Variants in COL5A2 observed in about 807,000 individuals in gnomAD.
COL5A2 encodes collagen alpha-2(V) chain.
In COL5A2, 23 loss-of-function variants were observed where a neutral mutation model predicts 208.2. The observed-to-expected ratio is 0.11, with a 90% confidence interval of 0.08 to 0.16. The LOEUF (loss-of-function observed/expected upper bound fraction) is 0.16, where lower values mean the gene tolerates loss of function less well. Among genes scored for constraint, COL5A2 ranks in the 10% least tolerant of loss-of-function variants. COL5A2 has a pLI of 1.00. For missense variants in COL5A2, 1,590 were observed against 1,956.4 expected (o/e 0.81, Z 3.53); for synonymous variants, 625 against 628.5 (o/e 0.99, Z 0.08).
At chr2:189,243,056 A>C in the COL5A2 span, among the ~76,000 whole-genome samples, 1 of 152,210 alleles carries the variant, frequency 6.6e-6, no homozygotes, top group Non-Finnish European at 1.5e-5. Context: ...TGAATGGACC[A>C]AGAAAATATC....
chr2:189,218,462 G>A (rs189745230), intron 1 of COL5A2, among the ~76,000 whole-genome samples: 19 of 152,214 alleles, frequency 1.2e-4, no homozygotes, highest in Admixed American at 6.5e-4. Flanking sequence ...GGCAAAGAAC[G>A]ATTTTCCCCC....
At chr2:189,207,755 CT>C (rs1299155187) in intron 1 of COL5A2, among the ~76,000 whole-genome samples, 3 of 152,242 alleles carry the variant, frequency 2.0e-5, no homozygotes, top group Non-Finnish European at 2.9e-5. Context: ...AAGGATCCCC[CT>C]ATGATCATTA....
chr2:189,059,160 AAGAT>A (rs1168476393), intron 31 of COL5A2, among the ~76,000 whole-genome samples: 4 of 152,312 alleles, frequency 2.6e-5, no homozygotes, highest in African/African-American at 9.6e-5. Flanking sequence ...CTATTTCACA[AAGAT>A]AGAGCATTAG....
chr2:189,096,621 CAA>C (rs777945216), intron 6 of COL5A2, among the ~76,000 whole-genome samples: 4 of 71,100 alleles, frequency 5.6e-5, no homozygotes, highest in African/African-American at 1.1e-4. Context: ...GACTCCGTCT[CAA>C]AAAAAAAAAA....
At chr2:189,376,914 A>C in the COL5A2 span, among the ~76,000 whole-genome samples, 1 of 152,200 alleles carries the variant, frequency 6.6e-6, no homozygotes, top group African/African-American at 2.4e-5. Flanking sequence ...AAAAATGCTG[A>C]ATTTTTAAAA....
At chr2:189,337,651 A>C in the COL5A2 span, among the ~76,000 whole-genome samples, 1 of 152,180 alleles carries the variant, frequency 6.6e-6, no homozygotes, top group African/African-American at 2.4e-5. Context: ...AGAGAATAGA[A>C]GAACAGAAGG....
At chr2:189,119,760 C>G (rs1163787256) in intron 1 of COL5A2, among the ~76,000 whole-genome samples, 1 of 152,002 alleles carries the variant, frequency 6.6e-6, no homozygotes, top group South Asian at 2.1e-4. Flanking sequence ...CTTGCTAATA[C>G]AGTCATTAGC....
chr2:189,172,323 A>G (rs1389926106), intron 1 of COL5A2, among the ~76,000 whole-genome samples: 4 of 152,234 alleles, frequency 2.6e-5, no homozygotes, highest in Non-Finnish European at 5.9e-5. Context: ...ATAAAACACA[A>G]AAGAACAAGT....
chr2:189,244,883 C>T, the COL5A2 span, among the ~76,000 whole-genome samples: 3 of 152,180 alleles, frequency 2.0e-5, no homozygotes, highest in Non-Finnish European at 4.4e-5. Context: ...GTTTAATGGA[C>T]TTACAGTTCC....
chr2:189,100,358 G>A (rs1394507448), intron 3 of COL5A2, among the ~76,000 whole-genome samples: 1 of 151,992 alleles, frequency 6.6e-6, no homozygotes, highest in East Asian at 1.9e-4. Context: ...AAAATCCAGC[G>A]TGTGAAATAT....
At chr2:189,181,578 C>T (rs1399154235), upstream of COL5A2, among the ~76,000 whole-genome samples, 1 of 152,176 alleles carries the variant, frequency 6.6e-6, no homozygotes, top group Admixed American at 6.5e-5. Context: ...ACCAATACCA[C>T]CCTGATACCG....
intron 1 of COL5A2, among the ~76,000 whole-genome samples, chr2:189,173,605 T>A (rs1350078466): frequency 6.6e-6 from 1 of 152,120 alleles, no homozygotes; most frequent in Non-Finnish European, 1.5e-5. Flanking sequence ...GAGATAAATT[T>A]AAGAAAACTA....
chr2:189,410,608 A>G, the COL5A2 span, among the ~76,000 whole-genome samples: 5 of 152,126 alleles, frequency 3.3e-5, no homozygotes, highest in Admixed American at 6.5e-5. Flanking sequence ...ACACTAATAG[A>G]GCATTATAAT....
the COL5A2 span, among the ~76,000 whole-genome samples, chr2:189,272,830 A>G: frequency 6.6e-6 from 1 of 152,144 alleles, no homozygotes; most frequent in Admixed American, 6.6e-5. Flanking sequence ...ATTCTCCACC[A>G]GTTTGTGGAC....
chr2:189,406,037 G>A, the COL5A2 span, among the ~76,000 whole-genome samples: 2 of 152,110 alleles, frequency 1.3e-5, no homozygotes, highest in African/African-American at 4.8e-5. Context: ...TATATAGATA[G>A]CACCTATCAG....
At chr2:189,057,109 T>A in intron 34 of COL5A2, 83 bp from the exon 35 acceptor site, 1 of 1,439,818 alleles carries the variant, frequency 6.9e-7, no homozygotes, top group Non-Finnish European at 9.8e-7. Flanking sequence ...GAGTGAAGGC[T>A]AATTGTCATT....
intron 1 of COL5A2, among the ~76,000 whole-genome samples, chr2:189,166,665 C>T (rs1270474356): frequency 1.3e-5 from 2 of 152,192 alleles, no homozygotes; most frequent in Non-Finnish European, 2.9e-5. Context: ...GTGTCTATGA[C>T]AGCTGAATTT....
At position 189,078,863 on chromosome 2, in the gene COL5A2, G is replaced by A. The variant is rs116351142; in HGVS notation, c.1005+200C>T. 7.1e-3 allele frequency among the ~76,000 whole-genome samples: 1,078 copies of A among 152,312 alleles called. 12 individuals are homozygous for A. The highest frequency in any genetic ancestry group is 0.024 in the African/African-American group (994 of 41,566). ...GGGCATTCAACCGTTAAGAGAAACAGTGAAATGTGGGAAACCTTTTCTGTT... is the reference window on the plus strand; with the variant it reads ...GGGCATTCAACCGTTAAGAGAAACAATGAAATGTGGGAAACCTTTTCTGTT... On this transcript the variant is annotated intron_variant, in intron 15 of 53. Transcript: ENST00000374866.
chr2:189,112,669 C>A (rs1422030560), intron 1 of COL5A2, among the ~76,000 whole-genome samples: 1 of 152,168 alleles, frequency 6.6e-6, no homozygotes, highest in Non-Finnish European at 1.5e-5. Context: ...ACTTGTATCA[C>A]ATAATACATA....
Sources: gnomAD v4.1 joint callset for allele counts (sites outside exome capture counted in the v4.1 genomes callset) on GRCh38, gnomAD v4.1.1 for gene constraint, MANE v1.5 for transcripts, NCBI Gene and HGNC (gene_info 2026-07-23, HGNC 2026-07-21) for gene names.